The following CCSER1 variants were observed in gnomAD, a reference collection of about 807,000 sequenced individuals.
CCSER1 encodes the protein serine-rich coiled-coil domain-containing protein 1.
Under a neutral mutation model 82.0 loss-of-function variants are expected in CCSER1, and 41 were observed. That is an observed-to-expected ratio of 0.50 (90% CI 0.39 to 0.65). The LOEUF is 0.65. Ranked by LOEUF, CCSER1 falls within the 30% of genes least tolerant of loss-of-function variation. CCSER1 has a pLI of 0.00. For missense variants in CCSER1, 1,119 were observed against 1,064.2 expected, an observed-to-expected ratio of 1.05 and a Z score of -0.72; for synonymous variants, 414 against 383.9, an observed-to-expected ratio of 1.08 and a Z score of -0.92.
chr4:90,189,536 A>G (rs940800133), intron 1 of CCSER1, among the ~76,000 whole-genome samples: 2 of 151,858 alleles, frequency 1.3e-5, no homozygotes, highest in African/African-American at 4.8e-5. Context: ...ATGTATGTAT[A>G]TATATAGATG....
intron 9 of CCSER1, among the ~76,000 whole-genome samples, chr4:91,068,642 GATA>G: frequency 6.6e-6 from 1 of 152,234 alleles, no homozygotes; most frequent in African/African-American, 2.4e-5. Flanking sequence ...CAGTTTACAA[GATA>G]ATAATTATTA....
chr4:91,579,378 C>T (rs1040634488), intron 10 of CCSER1, among the ~76,000 whole-genome samples: 52 of 151,666 alleles, frequency 3.4e-4, no homozygotes, highest in African/African-American at 1.3e-3. Flanking sequence ...AATCCCCCCT[C>T]CCCTCCCACT....
At chr4:91,324,892 T>C (rs1746442647) in intron 10 of CCSER1, among the ~76,000 whole-genome samples, 1 of 152,166 alleles carries the variant, frequency 6.6e-6, no homozygotes, top group Non-Finnish European at 1.5e-5. Context: ...AAGGGCAGAA[T>C]AATATGATTT....
intron 5 of CCSER1, among the ~76,000 whole-genome samples, chr4:90,502,086 A>G (rs1299462593): frequency 6.6e-6 from 1 of 152,198 alleles, no homozygotes; most frequent in Non-Finnish European, 1.5e-5. Context: ...GCTGAACATT[A>G]GTAATTTTAG....
chr4:90,804,026 G>C (rs1757180821), intron 7 of CCSER1, among the ~76,000 whole-genome samples: 1 of 152,124 alleles, frequency 6.6e-6, no homozygotes, highest in South Asian at 2.1e-4. Context: ...AGAAATGTCT[G>C]TTCATATCCT....
intron 7 of CCSER1, among the ~76,000 whole-genome samples, chr4:90,810,242 G>T (rs964043557): frequency 2.6e-5 from 4 of 152,068 alleles, no homozygotes; most frequent in African/African-American, 9.7e-5. Context: ...GATTACAAGC[G>T]AGAGCCACCA....
chr4:90,950,495 A>AACATAC (rs1732777762), intron 9 of CCSER1, among the ~76,000 whole-genome samples: 1 of 151,812 alleles, frequency 6.6e-6, no homozygotes, highest in Non-Finnish European at 1.5e-5. Flanking sequence ...CTTAAAACAA[A>AACATAC]ACATACACAT....
chr4:91,055,941 A>G (rs995644421), intron 9 of CCSER1, among the ~76,000 whole-genome samples: 4 of 151,882 alleles, frequency 2.6e-5, no homozygotes, highest in Non-Finnish European at 5.9e-5. Flanking sequence ...CTTCACATTC[A>G]TGCATCCTTT....
chr4:90,129,224 G>T (rs1722401548), intron 1 of CCSER1, among the ~76,000 whole-genome samples: 1 of 151,800 alleles, frequency 6.6e-6, no homozygotes, highest in Non-Finnish European at 1.5e-5. Flanking sequence ...TAGGGAAAAC[G>T]GATAAGAGGA....
At chr4:91,177,243 G>C (rs907270485) in intron 10 of CCSER1, among the ~76,000 whole-genome samples, 14 of 152,178 alleles carry the variant, frequency 9.2e-5, no homozygotes, top group Non-Finnish European at 1.3e-4. Context: ...GAGGAATTTT[G>C]CATTGATGTT....
At chr4:91,506,250 C>T (rs982442786) in intron 10 of CCSER1, among the ~76,000 whole-genome samples, 1 of 151,982 alleles carries the variant, frequency 6.6e-6, no homozygotes, top group Non-Finnish European at 1.5e-5. Flanking sequence ...TGTAGATGTG[C>T]CATCTTATTC....
intron 3 of CCSER1, among the ~76,000 whole-genome samples, chr4:90,394,913 C>G (rs980122889): frequency 6.6e-6 from 1 of 152,180 alleles, no homozygotes; most frequent in South Asian, 2.1e-4. Context: ...GCCATCACCT[C>G]ACATATTTAT....
intron 4 of CCSER1, among the ~76,000 whole-genome samples, chr4:90,430,695 A>G (rs1441498845): frequency 6.6e-6 from 1 of 151,810 alleles, no homozygotes; most frequent in African/African-American, 2.4e-5. Context: ...TAATAGGAAA[A>G]TATGTGGGTT....
chr4:91,156,385 CT>C (rs1488867956), intron 10 of CCSER1, among the ~76,000 whole-genome samples: 12 of 151,578 alleles, frequency 7.9e-5, no homozygotes, highest in Non-Finnish European at 8.9e-5. Flanking sequence ...AAACTCCCTA[CT>C]TTTAAAAAAA....
At chr4:91,366,165 C>T (rs1320455071) in intron 10 of CCSER1, among the ~76,000 whole-genome samples, 1 of 152,000 alleles carries the variant, frequency 6.6e-6, no homozygotes, top group African/African-American at 2.4e-5. Flanking sequence ...ATTACAGGCG[C>T]ACCACCTCCA....
At chr4:90,683,897 A>G (rs1391683359) in intron 6 of CCSER1, among the ~76,000 whole-genome samples, 1 of 152,126 alleles carries the variant, frequency 6.6e-6, no homozygotes, top group Non-Finnish European at 1.5e-5. Context: ...AGAGGAATGG[A>G]ACAAAATAAT....
chr4:90,491,249 G>A (rs956415697), intron 5 of CCSER1, among the ~76,000 whole-genome samples: 4 of 152,026 alleles, frequency 2.6e-5, no homozygotes, highest in African/African-American at 9.7e-5. Flanking sequence ...TCATAAGTTG[G>A]ATTCCTAGGT....
chr4:90,699,703 T>A (rs1389243848), intron 6 of CCSER1, among the ~76,000 whole-genome samples: 1 of 152,214 alleles, frequency 6.6e-6, no homozygotes, highest in Non-Finnish European at 1.5e-5. Context: ...TGCCTTCTGC[T>A]GTATGAATCT....
chr4:91,096,845 A>G (rs1724562267), intron 10 of CCSER1, among the ~76,000 whole-genome samples: 2 of 152,220 alleles, frequency 1.3e-5, no homozygotes, highest in Non-Finnish European at 2.9e-5. Flanking sequence ...TTTATCGTTT[A>G]TACCAAAACA....
Sources: allele counts gnomAD v4.1 joint callset (sites outside exome capture counted in the v4.1 genomes callset), GRCh38; gene constraint gnomAD v4.1.1; transcripts MANE v1.5; gene names NCBI Gene and HGNC (gene_info 2026-07-23, HGNC 2026-07-21).